Variants in CORO1C observed in about 807,000 individuals in gnomAD.
The protein encoded by CORO1C is coronin 1C.
CORO1C carries 14 observed loss-of-function variants against 51.2 expected under a neutral mutation model. That is an observed-to-expected ratio of 0.27 (90% CI 0.18 to 0.43). CORO1C has a LOEUF of 0.43. Among genes scored for constraint, CORO1C ranks in the 20% least tolerant of loss-of-function variants. The pLI is 1.00. For synonymous variants in CORO1C, 181 were observed against 210.5 expected (o/e 0.86, Z 1.21); for missense variants, 417 against 607.8 (o/e 0.69, Z 3.30).
At chr12:108,718,658 G>A (rs1379497333) in intron 1 of CORO1C, among the ~76,000 whole-genome samples, 5 of 152,262 alleles carry the variant, frequency 3.3e-5, no homozygotes, top group African/African-American at 1.2e-4. Flanking sequence ...AAAGTATAGC[G>A]CTTACAATCT....
chr12:108,710,321 G>A (rs1205855415), intron 1 of CORO1C, among the ~76,000 whole-genome samples: 1 of 151,976 alleles, frequency 6.6e-6, no homozygotes, highest in Non-Finnish European at 1.5e-5. Context: ...GAGGATTACG[G>A]GCTGCTCTGC....
At chr12:108,695,847 G>C (rs1436731485) in intron 2 of CORO1C, among the ~76,000 whole-genome samples, 1 of 58,536 alleles carries the variant, frequency 1.7e-5, no homozygotes, top group Non-Finnish European at 3.0e-5. Flanking sequence ...ACCCTTGGGA[G>C]AACTAAAAAA....
chr12:108,705,290 G>A (rs1171278465), intron 1 of CORO1C, among the ~76,000 whole-genome samples: 3 of 151,566 alleles, frequency 2.0e-5, no homozygotes, highest in Admixed American at 2.0e-4. Flanking sequence ...ACCAGCTTAG[G>A]CAACATGGTG....
At chr12:108,689,043 A>AG (rs1389915975) in intron 2 of CORO1C, among the ~76,000 whole-genome samples, 1 of 151,106 alleles carries the variant, frequency 6.6e-6, no homozygotes, top group Non-Finnish European at 1.5e-5. Context: ...AAAAAAAAAA[A>AG]AAAAAAATTA....
intron 8 of CORO1C, among the ~76,000 whole-genome samples, chr12:108,651,103 G>A (rs977500908): frequency 6.6e-6 from 1 of 152,120 alleles, no homozygotes; most frequent in Non-Finnish European, 1.5e-5. Context: ...AGGCACCCAC[G>A]ACCACACATA....
At chr12:108,663,362 TG>T (rs1180281731) in intron 3 of CORO1C, among the ~76,000 whole-genome samples, 1 of 152,244 alleles carries the variant, frequency 6.6e-6, no homozygotes, top group Non-Finnish European at 1.5e-5. Flanking sequence ...TATGTGTCTA[TG>T]CAAAAACTTG....
chr12:108,661,168 C>T (rs1429153890), intron 4 of CORO1C, among the ~76,000 whole-genome samples: 2 of 152,196 alleles, frequency 1.3e-5, no homozygotes, highest in African/African-American at 4.8e-5. Flanking sequence ...ATATTTCCAT[C>T]ACCCCACAAA....
chr12:108,721,387 C>T (rs868705318), intron 1 of CORO1C, among the ~76,000 whole-genome samples: 2 of 152,360 alleles, frequency 1.3e-5, no homozygotes, highest in Middle Eastern at 3.4e-3. Flanking sequence ...CAGTGTCCCA[C>T]AAACACTGAC....
intron 3 of CORO1C, among the ~76,000 whole-genome samples, chr12:108,666,535 TC>T (rs2033484221): frequency 1.3e-5 from 2 of 152,152 alleles, no homozygotes. Flanking sequence ...CTCTCTGCCC[TC>T]TTCAGGGTTG....
chr12:108,670,781 A>G (rs1284895801), intron 3 of CORO1C, among the ~76,000 whole-genome samples: 4 of 152,156 alleles, frequency 2.6e-5, no homozygotes, highest in Non-Finnish European at 5.9e-5. Flanking sequence ...GACTGCTAAA[A>G]AGACATGCTC....
At chr12:108,652,503 G>A (rs1357787972) in intron 7 of CORO1C, 86 bp from the exon 8 acceptor site, 15 of 1,073,434 alleles carry the variant, frequency 1.4e-5, no homozygotes, top group South Asian at 8.5e-5. Flanking sequence ...TACAAACCCA[G>A]CAGTAGTTGG....
chr12:108,714,702 G>A (rs2035280596), intron 1 of CORO1C, among the ~76,000 whole-genome samples: 1 of 152,064 alleles, frequency 6.6e-6, no homozygotes, highest in Non-Finnish European at 1.5e-5. Context: ...GGCAGAGGTT[G>A]CAGTAAGCCA....
intron 9 of CORO1C, 43 bp from the exon 10 acceptor site, chr12:108,648,893 G>A: frequency 1.9e-6 from 3 of 1,612,270 alleles, no homozygotes; most frequent in Non-Finnish European, 2.5e-6. Flanking sequence ...AAGAAGAAAG[G>A]CCTGGGATTT....
At chr12:108,660,526 A>G (rs1312118249) in intron 4 of CORO1C, among the ~76,000 whole-genome samples, 1 of 152,078 alleles carries the variant, frequency 6.6e-6, no homozygotes, top group African/African-American at 2.4e-5. Flanking sequence ...AGTTGAAGCT[A>G]AACTCTGGGA....
chr12:108,702,379 C>G (rs1310776931), intron 1 of CORO1C, among the ~76,000 whole-genome samples: 2 of 152,200 alleles, frequency 1.3e-5, no homozygotes, highest in African/African-American at 2.4e-5. Context: ...GGAGGTGACA[C>G]AGAGCTAGGT....
chr12:108,682,369 C>T (rs183567319), intron 2 of CORO1C, among the ~76,000 whole-genome samples: 409 of 151,808 alleles, frequency 2.7e-3, no homozygotes, highest in Admixed American at 6.2e-3. Flanking sequence ...TAAAGGAGGG[C>T]GGCATATTAA....
At chr12:108,678,448 T>C (rs2033989001) in intron 2 of CORO1C, 54 bp from the exon 3 acceptor site, 3 of 1,402,024 alleles carry the variant, frequency 2.1e-6, no homozygotes, top group Non-Finnish European at 1.9e-6. Flanking sequence ...ACAGACGTTA[T>C]ACATTTTCTC....
At chr12:108,684,183 G>A (rs1210565990) in intron 2 of CORO1C, among the ~76,000 whole-genome samples, 2 of 152,196 alleles carry the variant, frequency 1.3e-5, no homozygotes, top group African/African-American at 4.8e-5. Context: ...CGCAATAGAT[G>A]TGTGAAAAGA....
chr12:108,709,422 C>T (rs886896470), intron 1 of CORO1C, among the ~76,000 whole-genome samples: 2 of 152,158 alleles, frequency 1.3e-5, no homozygotes, highest in Admixed American at 1.3e-4. Flanking sequence ...TTTATGTTCT[C>T]CCATTTCAGC....
Sources: allele counts gnomAD v4.1 joint callset (sites outside exome capture counted in the v4.1 genomes callset), GRCh38; gene constraint gnomAD v4.1.1; transcripts MANE v1.5; gene names NCBI Gene and HGNC (gene_info 2026-07-23, HGNC 2026-07-21).